The following RNGTT variants were observed in gnomAD, a reference collection of about 807,000 sequenced individuals.
RNGTT encodes RNA guanylyltransferase and 5'-phosphatase, also known as mRNA-capping enzyme.
A neutral mutation model predicts 79.3 loss-of-function variants in RNGTT; 33 were observed. That is an observed-to-expected ratio of 0.42 (90% CI 0.32 to 0.56). The LOEUF is 0.56. Among genes scored for constraint, RNGTT ranks in the 20% least tolerant of loss-of-function variants. The pLI, the probability that RNGTT is intolerant of heterozygous loss-of-function variation, is 0.17. For synonymous variants in RNGTT, 222 were observed against 235.9 expected (o/e 0.94, Z 0.54); for missense variants, 497 against 739.1 (o/e 0.67, Z 3.80).
At chr6:88,937,972 T>C (rs983093042) in intron 2 of RNGTT, among the ~76,000 whole-genome samples, 5 of 152,216 alleles carry the variant, frequency 3.3e-5, no homozygotes, top group African/African-American at 9.7e-5. Context: ...ATCCTAGAGA[T>C]TGTTCCATTT....
Position 88,950,443 on chromosome 6 carries a change from T to C in RNGTT, c.65-9263A>G, listed in dbSNP as rs1785205005. ...ATAAGGTTATAACTGCCATATACAG[T>C]AATTCCTCTGATGAATCTGGGCAAA... On this transcript the variant is annotated intron_variant, in intron 1 of 15. Coordinates refer to ENST00000369485, the MANE Select transcript of RNGTT (RefSeq NM_003800.5). 2.0e-5 allele frequency among the ~76,000 whole-genome samples: 3 copies of C among 152,144 alleles called. No individual in the cohort carries two copies. In the South Asian group the frequency reaches 6.2e-4, roughly 31 times the overall value.
intron 14 of RNGTT, among the ~76,000 whole-genome samples, chr6:88,661,395 G>T (rs1328942005): frequency 6.6e-6 from 1 of 151,738 alleles, no homozygotes; most frequent in Non-Finnish European, 1.5e-5. Flanking sequence ...TCCTTGAAAA[G>T]GTTAAAAAAA....
At chr6:88,720,327 C>T (rs186795535) in intron 13 of RNGTT, among the ~76,000 whole-genome samples, 4 of 152,194 alleles carry the variant, frequency 2.6e-5, no homozygotes, top group Non-Finnish European at 2.9e-5. Flanking sequence ...CCTACCTAAA[C>T]TTTACAATGA....
At chr6:88,702,416 G>C (rs968414648) in intron 13 of RNGTT, among the ~76,000 whole-genome samples, 6 of 152,158 alleles carry the variant, frequency 3.9e-5, no homozygotes, top group African/African-American at 1.4e-4. Flanking sequence ...CACACCTACA[G>C]CCATCTAATC....
At chr6:88,660,750 A>T (rs1252529404) in intron 14 of RNGTT, among the ~76,000 whole-genome samples, 1 of 152,174 alleles carries the variant, frequency 6.6e-6, no homozygotes, top group Non-Finnish European at 1.5e-5. Flanking sequence ...ACAGCACTGG[A>T]CAGGTCATCA....
rs980038076 is a variant in RNGTT, at chr6:88,844,460, A to G, written c.1166T>C (p.Ile389Thr). The change falls in exon 11 of 16, where the codon ATA becomes ACA. Residue 389 changes from isoleucine (I) to threonine (T), a missense_variant. Transcript: ENST00000369485. ...CTTCATTTTTTCGTGTCGAGGACTTATAATTTCTCGTTCTATACACTGCAG... is the reference window on the plus strand; with the variant it reads ...CTTCATTTTTTCGTGTCGAGGACTTGTAATTTCTCGTTCTATACACTGCAG... Reference protein sequence around the residue: ...VRLQCIEREIISPRHEKMKTG... With the variant: ...VRLQCIEREITSPRHEKMKTG... 1 of 1,614,044 alleles carries G rather than the reference A, an allele frequency of 6.2e-7. No homozygotes were observed. Among genetic ancestry groups the G allele is most frequent in the Non-Finnish European group, 8.5e-7 (1 of 1,179,930 alleles).
At chr6:88,718,244 G>T (rs1042959573) in intron 13 of RNGTT, among the ~76,000 whole-genome samples, 2 of 151,898 alleles carry the variant, frequency 1.3e-5, no homozygotes, top group Non-Finnish European at 2.9e-5. Context: ...AAAATCAGCC[G>T]GGCGTAGTGG....
At chr6:88,860,695 C>T (rs1351639417) in intron 8 of RNGTT, among the ~76,000 whole-genome samples, 2 of 152,058 alleles carry the variant, frequency 1.3e-5, no homozygotes, top group African/African-American at 4.8e-5. Context: ...GTCAAGAAGG[C>T]TAAGCATAGT....
At chr6:88,862,233 G>A (rs1782036522) in intron 8 of RNGTT, among the ~76,000 whole-genome samples, 1 of 152,142 alleles carries the variant, frequency 6.6e-6, no homozygotes, top group Non-Finnish European at 1.5e-5. Flanking sequence ...GAAAGAACAT[G>A]GCAAGATTAG....
intron 8 of RNGTT, 90 bp from the exon 9 acceptor site, chr6:88,853,854 TA>T: frequency 1.3e-5 from 9 of 703,480 alleles, no homozygotes; most frequent in Non-Finnish European, 1.9e-5. Flanking sequence ...CCATAGACCT[TA>T]AACATCTGTA....
chr6:88,862,351 GAAGCCTCCACAAAAGACC>G (rs1782041319), intron 8 of RNGTT, among the ~76,000 whole-genome samples: 1 of 152,130 alleles, frequency 6.6e-6, no homozygotes, highest in South Asian at 2.1e-4. Flanking sequence ...CCTACATAAT[GAAGCCTCCACAAAAGACC>G]AAGGACAGGG....
chr6:88,963,158 C>T (rs886412059), intron 1 of RNGTT, among the ~76,000 whole-genome samples, 188 bp downstream of exon 1: 3 of 151,604 alleles, frequency 2.0e-5, no homozygotes, highest in African/African-American at 7.3e-5. Context: ...TAACAAGTGC[C>T]CCCCATCCGC....
Position 88,829,973 on chromosome 6 carries a change from A to G in RNGTT, c.1269+14384T>C, listed in dbSNP as rs866265788. On this transcript the variant is annotated intron_variant, in intron 11 of 15. Coordinates refer to ENST00000369485, the MANE Select transcript of RNGTT (RefSeq NM_003800.5). Reference sequence around the variant, plus strand: ...TTTAACACCCCACTGTCAATATTAGACAGATCAACGAGACAGGAAATTGAC... The same window carrying G: ...TTTAACACCCCACTGTCAATATTAGGCAGATCAACGAGACAGGAAATTGAC... 5.9e-5 allele frequency among the ~76,000 whole-genome samples: 9 copies of G among 152,284 alleles called. No homozygotes were observed. The Middle Eastern group carries it at 0.01, about 173-fold the overall frequency.
intron 1 of RNGTT, among the ~76,000 whole-genome samples, chr6:88,953,016 C>T (rs6918154): frequency 0.022 from 3,349 of 152,136 alleles, 121 homozygotes; most frequent in African/African-American, 0.076. Context: ...TCTACTCAAA[C>T]GAGAAGGAAC....
intron 11 of RNGTT, among the ~76,000 whole-genome samples, chr6:88,834,431 T>C (rs1172843683): frequency 6.6e-6 from 1 of 152,210 alleles, no homozygotes; most frequent in African/African-American, 2.4e-5. Flanking sequence ...GACTAGATAA[T>C]GCAAAACTGA....
At chr6:88,775,549 C>T (rs1016469222) in intron 12 of RNGTT, among the ~76,000 whole-genome samples, 1 of 152,120 alleles carries the variant, frequency 6.6e-6, no homozygotes, top group Admixed American at 6.6e-5. Context: ...ATATTTCTAA[C>T]CACAGAAGAC....
At chr6:88,771,315 G>GTGTGTGTATATATATATATA (rs1303688973) in intron 12 of RNGTT, among the ~76,000 whole-genome samples, 20 of 62,048 alleles carry the variant, frequency 3.2e-4, no homozygotes, top group East Asian at 5.0e-4. Flanking sequence ...GTGTGTGTGT[G>GTGTGTGTATATATATATATA]TATATATATA....
chr6:88,649,081 CT>C (rs1158205457), intron 14 of RNGTT, among the ~76,000 whole-genome samples: 1 of 152,104 alleles, frequency 6.6e-6, no homozygotes, highest in African/African-American at 2.4e-5. Flanking sequence ...AAAAACTTGG[CT>C]TTGTTATATG....
intron 14 of RNGTT, among the ~76,000 whole-genome samples, chr6:88,616,606 G>T (rs1157393973): frequency 6.6e-6 from 1 of 152,028 alleles, no homozygotes; most frequent in East Asian, 1.9e-4. Context: ...ATGGTGTCAG[G>T]TGCTATCTCA....
Sources: allele counts gnomAD v4.1 joint callset (sites outside exome capture counted in the v4.1 genomes callset), GRCh38; gene constraint gnomAD v4.1.1; transcripts MANE v1.5; gene names NCBI Gene and HGNC (gene_info 2026-07-23, HGNC 2026-07-21).